The following DPP6 variants were observed in gnomAD, a reference collection of about 807,000 sequenced individuals.
DPP6 encodes A-type potassium channel modulatory protein DPP6.
Under a neutral mutation model 122.6 loss-of-function variants are expected in DPP6, and 69 were observed. The observed-to-expected ratio is 0.56, with a 90% CI of 0.46 to 0.69. The LOEUF (loss-of-function observed/expected upper bound fraction) is 0.69, where lower values mean the gene tolerates loss of function less well. DPP6 is among the 30% of genes least tolerant of loss of function. The pLI is 0.00. For missense variants in DPP6, 928 were observed against 1,116.9 expected (o/e 0.83, Z 2.41); for synonymous variants, 418 against 433.1 (o/e 0.97, Z 0.43).
intron 4 of DPP6, among the ~76,000 whole-genome samples, chr7:154,556,612 T>G (rs1380332875): frequency 6.6e-6 from 1 of 152,116 alleles, no homozygotes; most frequent in African/African-American, 2.4e-5. Flanking sequence ...AAGAGAGAAA[T>G]TTTTAATCAA....
chr7:154,143,917 A>G (rs1014509803), intron 1 of DPP6, among the ~76,000 whole-genome samples: 11 of 152,128 alleles, frequency 7.2e-5, no homozygotes, highest in Non-Finnish European at 1.5e-4. Flanking sequence ...TTAGGATAAG[A>G]TTTTTCACAA....
At chr7:154,106,069 C>A (rs1368007499) in intron 1 of DPP6, among the ~76,000 whole-genome samples, 1 of 152,142 alleles carries the variant, frequency 6.6e-6, no homozygotes, top group Non-Finnish European at 1.5e-5. Flanking sequence ...CCCACTCCAT[C>A]TCCACAGCCC....
intron 6 of DPP6, 43 bp downstream of exon 6, chr7:154,637,916 G>A (rs1167019499): frequency 1.3e-6 from 2 of 1,544,068 alleles, no homozygotes; most frequent in Non-Finnish European, 1.7e-6. Context: ...AATATGCAGG[G>A]CAAAGTGAAG....
chr7:154,550,297 T>C (rs1048217430), intron 4 of DPP6, among the ~76,000 whole-genome samples: 24 of 152,136 alleles, frequency 1.6e-4, no homozygotes, highest in African/African-American at 5.8e-4. Context: ...ATTTTGCTAA[T>C]AACTCAGAAG....
At chr7:154,230,045 A>G (rs1274505502) in intron 1 of DPP6, among the ~76,000 whole-genome samples, 2 of 152,196 alleles carry the variant, frequency 1.3e-5, no homozygotes, top group Non-Finnish European at 2.9e-5. Context: ...ATTGAACATC[A>G]TAAAGGAAAG....
chr7:154,777,470 C>T (rs1384195156), intron 10 of DPP6, among the ~76,000 whole-genome samples: 2 of 152,176 alleles, frequency 1.3e-5, no homozygotes, highest in Non-Finnish European at 2.9e-5. Context: ...AAAGAATAAA[C>T]ACTGTCTATC....
At chr7:154,678,114 G>A (rs111566054) in intron 7 of DPP6, among the ~76,000 whole-genome samples, 1 of 152,134 alleles carries the variant, frequency 6.6e-6, no homozygotes, top group East Asian at 1.9e-4. Context: ...TCTAGCTAAA[G>A]GTTTGTAAAC....
At chr7:153,911,984 G>A (rs1311832154) in intron 1 of DPP6, among the ~76,000 whole-genome samples, 1 of 152,140 alleles carries the variant, frequency 6.6e-6, no homozygotes, top group Non-Finnish European at 1.5e-5. Context: ...AAAACTTCGG[G>A]TTAAATTAGG....
At chr7:153,752,555 C>T in the DPP6 span, among the ~76,000 whole-genome samples, 2 of 151,588 alleles carry the variant, frequency 1.3e-5, no homozygotes, top group African/African-American at 4.8e-5. Context: ...GGCCAACAGC[C>T]TCTTTTTACA....
At chr7:154,081,889 G>A (rs1204484150) in intron 1 of DPP6, among the ~76,000 whole-genome samples, 1 of 152,142 alleles carries the variant, frequency 6.6e-6, no homozygotes, top group African/African-American at 2.4e-5. Flanking sequence ...TGTATGTGAC[G>A]GAAAATGGAT....
At chr7:154,488,703 G>T (rs1332922128) in intron 3 of DPP6, among the ~76,000 whole-genome samples, 1 of 152,068 alleles carries the variant, frequency 6.6e-6, no homozygotes, top group Non-Finnish European at 1.5e-5. Context: ...TCTCTACACA[G>T]CCCACATATT....
At chr7:154,479,557 C>CAAAAAAAAAAAAAAAAAAAAAAAAAAAA (rs35103324) in intron 3 of DPP6, among the ~76,000 whole-genome samples, 1 of 91,240 alleles carries the variant, frequency 1.1e-5, no homozygotes, top group Non-Finnish European at 2.1e-5. Flanking sequence ...GACTCCATCT[C>CAAAAAAAAAAAAAAAAAAAAAAAAAAAA]AAAAAAAAAA....
At chr7:154,187,889 A>G (rs1798425887) in intron 1 of DPP6, among the ~76,000 whole-genome samples, 4 of 152,240 alleles carry the variant, frequency 2.6e-5, no homozygotes, top group Admixed American at 2.6e-4. Context: ...ATTAAGTCAG[A>G]GACACAATGG....
intron 10 of DPP6, among the ~76,000 whole-genome samples, chr7:154,783,341 C>T (rs118080469): frequency 0.01 from 1,565 of 152,220 alleles, 11 homozygotes; most frequent in Non-Finnish European, 0.014. Context: ...CTCGTCTCTG[C>T]CCGTGCTTCC....
intron 1 of DPP6, among the ~76,000 whole-genome samples, chr7:153,948,843 A>C (rs1473729956): frequency 6.7e-6 from 1 of 148,796 alleles, no homozygotes; most frequent in Non-Finnish European, 1.5e-5. Context: ...ACAGGCATGA[A>C]ATAAACAGGC....
chr7:153,866,176 G>C, the DPP6 span, among the ~76,000 whole-genome samples: 1 of 152,096 alleles, frequency 6.6e-6, no homozygotes, highest in Non-Finnish European at 1.5e-5. Context: ...CCAGTAATGG[G>C]ATGGCTGGGT....
In DPP6 at chr7:154,176,705, C is replaced by A. The variant is rs534447595; in HGVS notation, c.243+123642C>A. Among the ~76,000 whole-genome samples the A allele has an allele frequency of 1.2e-4, 18 of 152,360 alleles. No homozygotes were observed. The South Asian group carries it at 1.4e-3, about 12-fold the overall frequency. On this transcript the variant is annotated intron_variant, in intron 1 of 25. Coordinates refer to ENST00000377770, the MANE Select transcript of DPP6 (RefSeq NM_130797.4). ...GGTCTCTGATCAACCCTGCCCTGAC[C>A]ACCTGCGTGGCCTGCCTTGCCTTAT...
intron 1 of DPP6, among the ~76,000 whole-genome samples, chr7:154,183,596 C>CT (rs1256973699): frequency 1.3e-5 from 2 of 152,184 alleles, no homozygotes; most frequent in Non-Finnish European, 2.9e-5. Flanking sequence ...TCCTCCCCTC[C>CT]TCCTTTCCTT....
intron 8 of DPP6, among the ~76,000 whole-genome samples, chr7:154,749,696 A>G (rs113580492): frequency 0.14 from 6,225 of 45,562 alleles, 460 homozygotes; most frequent in Non-Finnish European, 0.15. Flanking sequence ...AGGATGGGAA[A>G]GAGAGGGATG....
Sources: gnomAD v4.1 joint callset for allele counts (sites outside exome capture counted in the v4.1 genomes callset) on GRCh38, gnomAD v4.1.1 for gene constraint, MANE v1.5 for transcripts, NCBI Gene and HGNC (gene_info 2026-07-23, HGNC 2026-07-21) for gene names.